The following RCAN2 variants were observed in gnomAD, a reference collection of about 807,000 sequenced individuals.
RCAN2 encodes calcipressin-2.
A neutral mutation model predicts 23.6 loss-of-function variants in RCAN2; 9 were observed. The observed-to-expected ratio is 0.38, with a 90% CI of 0.23 to 0.67. The LOEUF is 0.67. Among genes scored for constraint, RCAN2 ranks in the 30% least tolerant of loss-of-function variants. The probability of loss-of-function intolerance (pLI) is 0.51; values close to 1 mark genes in which losing one functional copy is unlikely to be tolerated. For synonymous variants in RCAN2, 109 were observed against 115.7 expected (o/e 0.94, Z 0.37); for missense variants, 273 against 302.3 (o/e 0.90, Z 0.72).
intron 2 of RCAN2, among the ~76,000 whole-genome samples, chr6:46,370,515 G>C (rs1765296337): frequency 6.6e-6 from 1 of 152,218 alleles, no homozygotes; most frequent in South Asian, 2.1e-4. Context: ...GAAAGAAAGA[G>C]TTGGAGGTAG....
In RCAN2 at chr6:46,282,570, A is replaced by G. The variant is rs1023117295; in HGVS notation, c.226-33674T>C. On this transcript the variant is annotated intron_variant, in intron 2 of 4. Coordinates refer to ENST00000371374, the MANE Select transcript of RCAN2 (RefSeq NM_001251974.2). Reference sequence around the variant, plus strand: ...ATCCTTAAATTTCTCTGAAAAGATGACCCTCTATCTTCATCTACTGAATAT... The same window carrying G: ...ATCCTTAAATTTCTCTGAAAAGATGGCCCTCTATCTTCATCTACTGAATAT... Among the ~76,000 whole-genome samples, 19 of 151,570 alleles carry G rather than the reference A, an allele frequency of 1.3e-4. 1 individual carries two copies.
intron 2 of RCAN2, among the ~76,000 whole-genome samples, chr6:46,263,505 G>GTGTGTGTA (rs1423834242): frequency 9.0e-6 from 1 of 110,742 alleles, no homozygotes; most frequent in South Asian, 3.0e-4. Context: ...ATGTGTGTAT[G>GTGTGTGTA]TGTGTGTATG....
chr6:46,372,710 G>C (rs904224415), intron 2 of RCAN2, among the ~76,000 whole-genome samples: 2 of 152,192 alleles, frequency 1.3e-5, no homozygotes, highest in Non-Finnish European at 2.9e-5. Flanking sequence ...ATGATGCAAA[G>C]GATTTGGTCT....
chr6:46,225,030 G>A (rs1055607825), intron 4 of RCAN2, among the ~76,000 whole-genome samples: 1 of 151,902 alleles, frequency 6.6e-6, no homozygotes, highest in Admixed American at 6.6e-5. Flanking sequence ...AGAATATGTG[G>A]TGTTTGGCTT....
chr6:46,400,935 T>C (rs1766231828), intron 2 of RCAN2, among the ~76,000 whole-genome samples: 1 of 152,200 alleles, frequency 6.6e-6, no homozygotes, highest in Non-Finnish European at 1.5e-5. Flanking sequence ...TAAGCATGCA[T>C]ATTTCTGAGC....
intron 2 of RCAN2, among the ~76,000 whole-genome samples, chr6:46,409,195 T>C (rs984321313): frequency 1.3e-5 from 2 of 152,230 alleles, no homozygotes; most frequent in African/African-American, 4.8e-5. Context: ...GGTTCTCATT[T>C]AACCACCGAG....
intron 2 of RCAN2, among the ~76,000 whole-genome samples, chr6:46,261,414 C>T (rs1341086622): frequency 6.6e-5 from 10 of 152,132 alleles, no homozygotes. Flanking sequence ...CAGTATCTAC[C>T]TCATAGGGGT....
chr6:46,322,873 C>T (rs1005661601), intron 2 of RCAN2, among the ~76,000 whole-genome samples: 5 of 152,190 alleles, frequency 3.3e-5, no homozygotes, highest in African/African-American at 1.2e-4. Context: ...AACCTTTCTT[C>T]GTGATAAGAG....
intron 2 of RCAN2, among the ~76,000 whole-genome samples, chr6:46,384,212 C>T (rs766326646): frequency 1.3e-5 from 2 of 152,208 alleles, no homozygotes; most frequent in Non-Finnish European, 2.9e-5. Context: ...AATCCCTCAT[C>T]TGCTTCGCCA....
chr6:46,476,254 C>T (rs1768710421), intron 1 of RCAN2, among the ~76,000 whole-genome samples: 1 of 152,150 alleles, frequency 6.6e-6, no homozygotes, highest in South Asian at 2.1e-4. Context: ...CTTGATGTTT[C>T]CATCCCACTA....
chr6:46,365,165 TC>T (rs1765132063), intron 2 of RCAN2, among the ~76,000 whole-genome samples: 1 of 152,034 alleles, frequency 6.6e-6, no homozygotes, highest in African/African-American at 2.4e-5. Context: ...ACCATCCCCC[TC>T]ACCCCATCTG....
intron 2 of RCAN2, among the ~76,000 whole-genome samples, chr6:46,312,987 A>G (rs1463246268): frequency 6.6e-6 from 1 of 152,214 alleles, no homozygotes; most frequent in African/African-American, 2.4e-5. Flanking sequence ...AGACTTGCAC[A>G]TAAGACCCAA....
chr6:46,227,753 T>TTTTGAAGGGTTTTTTTGTGTCC (rs1765724644), intron 4 of RCAN2, among the ~76,000 whole-genome samples: 1 of 152,264 alleles, frequency 6.6e-6, no homozygotes, highest in African/African-American at 2.4e-5. Flanking sequence ...TTCATTAATT[T>TTTTGAAGGGTTTTTTTGTGTCC]TTTGAAGGGT....
intron 2 of RCAN2, among the ~76,000 whole-genome samples, chr6:46,253,182 A>G (rs1003773051): frequency 8.5e-5 from 13 of 152,210 alleles, no homozygotes; most frequent in African/African-American, 2.7e-4. Flanking sequence ...GATTTTTGCC[A>G]TTACTTTTAA....
At chr6:46,350,213 T>C (rs1764605284) in intron 2 of RCAN2, among the ~76,000 whole-genome samples, 1 of 152,208 alleles carries the variant, frequency 6.6e-6, no homozygotes, top group African/African-American at 2.4e-5. Context: ...AATAAATATT[T>C]AATGCATGAA....
chr6:46,429,355 C>T (rs1767121816), intron 2 of RCAN2, among the ~76,000 whole-genome samples: 1 of 152,160 alleles, frequency 6.6e-6, no homozygotes. Flanking sequence ...TCCAGTCCCA[C>T]CTATGATAGA....
intron 2 of RCAN2, among the ~76,000 whole-genome samples, chr6:46,425,201 C>T (rs1767000367): frequency 6.6e-6 from 1 of 152,094 alleles, no homozygotes; most frequent in South Asian, 2.1e-4. Context: ...TTGAGGACAC[C>T]AAAGTTCTTT....
chr6:46,319,168 G>T (rs1323754303), intron 2 of RCAN2, among the ~76,000 whole-genome samples: 1 of 152,190 alleles, frequency 6.6e-6, no homozygotes, highest in African/African-American at 2.4e-5. Flanking sequence ...CTGCAAAGTT[G>T]CAATGCCTAT....
intron 2 of RCAN2, among the ~76,000 whole-genome samples, chr6:46,347,319 C>A (rs959016100): frequency 6.6e-5 from 10 of 152,170 alleles, no homozygotes; most frequent in Non-Finnish European, 1.3e-4. Flanking sequence ...CCTGGGTGGA[C>A]ACATGTAATG....
Sources: allele counts gnomAD v4.1 joint callset (sites outside exome capture counted in the v4.1 genomes callset), GRCh38; gene constraint gnomAD v4.1.1; transcripts MANE v1.5; gene names NCBI Gene and HGNC (gene_info 2026-07-23, HGNC 2026-07-21).